The following MDFIC variants were observed in gnomAD, a reference collection of about 807,000 sequenced individuals.
MDFIC encodes the protein MyoD family inhibitor domain containing.
Under a neutral mutation model 23.2 loss-of-function variants are expected in MDFIC, and 17 were observed. That is an observed-to-expected ratio of 0.73 (90% CI 0.50 to 1.10). The LOEUF is 1.10. Among genes scored for constraint, MDFIC ranks in the 50% least tolerant of loss-of-function variants. MDFIC has a pLI of 0.00. For missense variants in MDFIC, 356 were observed against 316.6 expected (o/e 1.12, Z -0.95); for synonymous variants, 120 against 115.2 (o/e 1.04, Z -0.27).
intron 4 of MDFIC, 122 bp from the exon 5 acceptor site, chr7:115,015,566 A>G: frequency 7.5e-7 from 1 of 1,341,110 alleles, no homozygotes; most frequent in South Asian, 1.4e-5. Flanking sequence ...CACAAAGCAA[A>G]CTTCATTTGG....
intron 4 of MDFIC, among the ~76,000 whole-genome samples, chr7:114,987,156 A>G (rs1264328615): frequency 1.3e-5 from 2 of 152,192 alleles, no homozygotes; most frequent in African/African-American, 4.8e-5. Context: ...AGCCCCATCA[A>G]GTTTTCTCAC....
rs1259068735 is a variant in MDFIC at position 115,019,559 on chromosome 7, T to C, written c.*3624T>C. Among the ~76,000 whole-genome samples, 1 of 152,136 alleles carries C rather than the reference T, an allele frequency of 6.6e-6. No homozygotes were observed. The highest frequency in any genetic ancestry group is 1.5e-5 in the Non-Finnish European group (1 of 67,976). ...CTTGCCTTCTTGAATGCTAGTTAAA[T>C]GCTTAGATTTACCTAACTGCCTAAT... is the stretch of plus-strand genomic sequence containing the variant. On this transcript the variant is annotated 3_prime_UTR_variant, in exon 5 of 5. Coordinates refer to ENST00000393486, the MANE Select transcript of MDFIC (RefSeq NM_001166345.3).
intron 3 of MDFIC, among the ~76,000 whole-genome samples, chr7:114,963,869 T>C (rs995641838): frequency 6.6e-6 from 1 of 152,192 alleles, no homozygotes; most frequent in African/African-American, 2.4e-5. Context: ...TGTGAGCCAC[T>C]GTGCTGGGCT....
In MDFIC at chr7:114,974,686, T is replaced by C. The variant is rs142237747; in HGVS notation, c.218-4820T>C. On this transcript the variant is annotated intron_variant, in intron 3 of 4. Coordinates refer to ENST00000393486, the MANE Select transcript of MDFIC (RefSeq NM_001166345.3). ...CAGCAGCTGTGGTTTCAAGTATAGT[T>C]ATTACTAGCTACAATATCACCAGTT... 1.9e-3 allele frequency among the ~76,000 whole-genome samples: 289 copies of C among 152,258 alleles called. 1 individual carries two copies. The highest frequency in any genetic ancestry group is 6.5e-3 in the African/African-American group (271 of 41,562).
chr7:114,943,035 A>G (rs915712075), intron 3 of MDFIC, among the ~76,000 whole-genome samples: 9 of 152,158 alleles, frequency 5.9e-5, no homozygotes, highest in African/African-American at 2.2e-4. Flanking sequence ...TTGCCATACA[A>G]TGAATTATTC....
intron 3 of MDFIC, among the ~76,000 whole-genome samples, chr7:114,957,335 G>A (rs993129014): frequency 2.0e-5 from 3 of 152,016 alleles, no homozygotes; most frequent in African/African-American, 7.2e-5. Flanking sequence ...TCCTGAATTG[G>A]AGTAAGCTGT....
chr7:114,933,253 C>CTTTTTT (rs34608476), intron 2 of MDFIC, among the ~76,000 whole-genome samples: 1 of 135,934 alleles, frequency 7.4e-6, no homozygotes, highest in Non-Finnish European at 1.6e-5. Flanking sequence ...GTGTTCCATT[C>CTTTTTT]TTTTTTTTTT....
intron 3 of MDFIC, among the ~76,000 whole-genome samples, chr7:114,952,810 T>A (rs1373227765): frequency 6.6e-6 from 1 of 152,174 alleles, no homozygotes; most frequent in African/African-American, 2.4e-5. Context: ...TCATTCCCTG[T>A]CTTTATGAAA....
intron 4 of MDFIC, among the ~76,000 whole-genome samples, chr7:114,998,993 T>C (rs1230319895): frequency 4.6e-5 from 7 of 152,166 alleles, no homozygotes; most frequent in Admixed American, 3.3e-4. Context: ...TTTTGGTTGT[T>C]ACTCCAAAGT....
intron 4 of MDFIC, among the ~76,000 whole-genome samples, chr7:114,982,261 C>T (rs1426500433): frequency 1.3e-5 from 2 of 152,124 alleles, no homozygotes; most frequent in African/African-American, 4.8e-5. Flanking sequence ...TATGTCAGAA[C>T]AGTAGGCCTT....
At chr7:114,987,136 C>G (rs1401697914) in intron 4 of MDFIC, among the ~76,000 whole-genome samples, 1 of 152,140 alleles carries the variant, frequency 6.6e-6, no homozygotes, top group East Asian at 1.9e-4. Context: ...ACTCAGAGAT[C>G]CTACTTCCCA....
chr7:114,958,225 C>A (rs1321253944), intron 3 of MDFIC, among the ~76,000 whole-genome samples: 1 of 152,184 alleles, frequency 6.6e-6, no homozygotes, highest in Non-Finnish European at 1.5e-5. Context: ...TAATCACTCT[C>A]ACATTGAGGG....
intron 2 of MDFIC, chr7:114,923,713 G>A: frequency 7.7e-7 from 1 of 1,291,396 alleles, no homozygotes; most frequent in Non-Finnish European, 1.0e-6. Flanking sequence ...AACACACACA[G>A]CCTATAAAAT....
intron 3 of MDFIC, among the ~76,000 whole-genome samples, chr7:114,977,947 AATT>A (rs1457110064): frequency 6.8e-6 from 1 of 148,000 alleles, no homozygotes; most frequent in Non-Finnish European, 1.5e-5. Context: ...ATTATATAAT[AATT>A]ACATAATCAA....
At chr7:114,959,900 C>G (rs1425777439) in intron 3 of MDFIC, among the ~76,000 whole-genome samples, 1 of 151,674 alleles carries the variant, frequency 6.6e-6, no homozygotes, top group Non-Finnish European at 1.5e-5. Flanking sequence ...TAAAAGTGTA[C>G]CTTTCTCGTC....
At chr7:114,967,830 C>CT (rs56343596) in intron 3 of MDFIC, among the ~76,000 whole-genome samples, 11 of 118,826 alleles carry the variant, frequency 9.3e-5, no homozygotes, top group African/African-American at 2.8e-4. Flanking sequence ...TCTTTCTTTT[C>CT]TTTTTTTTTT....
intron 2 of MDFIC, among the ~76,000 whole-genome samples, chr7:114,924,301 G>T (rs189908724): frequency 4.9e-4 from 75 of 152,308 alleles, no homozygotes; most frequent in Admixed American, 3.1e-3. Context: ...CATTAGGCAT[G>T]CCCTTAGTAG....
intron 4 of MDFIC, among the ~76,000 whole-genome samples, chr7:114,984,173 C>T (rs1184997657): frequency 6.6e-6 from 1 of 152,170 alleles, no homozygotes; most frequent in Non-Finnish European, 1.5e-5. Flanking sequence ...GGTGTTACAG[C>T]TGTGGGCCAA....
intron 4 of MDFIC, among the ~76,000 whole-genome samples, chr7:115,000,024 G>A (rs1430776751): frequency 6.6e-6 from 1 of 151,986 alleles, no homozygotes; most frequent in Non-Finnish European, 1.5e-5. Context: ...TGTTATTAAT[G>A]TCTTTAAAAA....
Sources: gnomAD v4.1 joint callset for allele counts (sites outside exome capture counted in the v4.1 genomes callset) on GRCh38, gnomAD v4.1.1 for gene constraint, MANE v1.5 for transcripts, NCBI Gene and HGNC (gene_info 2026-07-23, HGNC 2026-07-21) for gene names.